Variants in PCDHGB2 observed in about 807,000 individuals in gnomAD.
PCDHGB2 encodes the protein protocadherin gamma-B2.
PCDHGB2 carries 55 observed loss-of-function variants against 59.3 expected under a neutral mutation model. The ratio of observed to expected loss-of-function variants is 0.93; its 90% CI spans 0.75 to 1.16. The LOEUF (loss-of-function observed/expected upper bound fraction) is 1.16, where lower values mean the gene tolerates loss of function less well. Among genes scored for constraint, PCDHGB2 ranks in the 50% most tolerant of loss-of-function variants. The pLI, the probability that PCDHGB2 is intolerant of heterozygous loss-of-function variation, is 0.00. For missense variants in PCDHGB2, 1,228 were observed against 1,198.5 expected (o/e 1.02, Z -0.36); for synonymous variants, 516 against 512.0 (o/e 1.01, Z -0.11).
rs779656906 is a variant in PCDHGB2 at position 141,476,872 on chromosome 5, C to T, written c.2422-17935C>T. On this transcript the variant is annotated intron_variant, in intron 1 of 3. Transcript: ENST00000522605. The surrounding 1 kb of genome is among the most constrained non-coding windows in gnomAD (Gnocchi z 7.6). ...TCAACCAGTCCTTGTACCGGGCGCG[C>T]GTCCTGGAGGATGCACCCTCCGGCA... 1.6e-4 allele frequency: 254 copies of T among 1,613,734 alleles called. No individual in the cohort carries two copies. The highest frequency in any genetic ancestry group is 2.1e-4 in the Non-Finnish European group (248 of 1,180,054).
chr5:141,390,749 ACT>A (rs2092225079), intron 1 of PCDHGB2: 1 of 170,960 alleles, frequency 5.8e-6, no homozygotes, highest in Admixed American at 5.7e-5. Flanking sequence ...ATAGTAGTCC[ACT>A]GTTTTGTTTC....
chr5:141,366,043 T>C (rs1041453851), intron 1 of PCDHGB2: 3 of 1,614,242 alleles, frequency 1.9e-6, no homozygotes, highest in African/African-American at 2.7e-5. Flanking sequence ...CCACAGACGG[T>C]TCCACGGGCG....
At chr5:141,383,396 C>T (rs749879106) in intron 1 of PCDHGB2, 64 of 1,613,910 alleles carry the variant, frequency 4.0e-5, no homozygotes, top group Non-Finnish European at 5.3e-5. Flanking sequence ...GGCACGAACT[C>T]CCTCCAGAGT....
chr5:141,375,719 G>A (rs1478749716), intron 1 of PCDHGB2: 2 of 1,614,142 alleles, frequency 1.2e-6, no homozygotes, highest in South Asian at 2.2e-5. Flanking sequence ...TAGCAGCAAC[G>A]TGTCACTGAG....
intron 1 of PCDHGB2, among the ~76,000 whole-genome samples, chr5:141,406,795 C>G (rs1277584347): frequency 6.6e-6 from 1 of 152,204 alleles, no homozygotes; most frequent in African/African-American, 2.4e-5. Context: ...TTATTTCTGG[C>G]TCAATTCTCC....
Position 141,432,878 on chromosome 5 carries a change from TTCGTCA to T in PCDHGB2, c.2422-61926_2422-61921del. 6.2e-7 allele frequency: 1 copy of T among 1,614,178 alleles called. No individual in the cohort carries two copies. The highest frequency in any genetic ancestry group is 1.7e-5 in the Admixed American group (1 of 60,036). Reference sequence around the variant, plus strand: ...CGCGGTCTCCTGCGTCTTCCTGGCCTTCGTCATCTTGCTGCTGGCGCTCAGGCTGCG... The same window carrying T: ...CGCGGTCTCCTGCGTCTTCCTGGCCTTCTTGCTGCTGGCGCTCAGGCTGCG... On this transcript the variant is annotated intron_variant, in intron 1 of 3. Transcript: ENST00000522605. This position sits in a 1 kb window ranked among gnomAD's most constrained non-coding sequence, Gnocchi z 6.0.
intron 1 of PCDHGB2, chr5:141,419,208 C>T: frequency 6.2e-7 from 1 of 1,613,966 alleles, no homozygotes; most frequent in Non-Finnish European, 8.5e-7. Flanking sequence ...GACAACGCGC[C>T]GGTTTTCGGA....
At chr5:141,385,189 C>A (rs368141492) in intron 1 of PCDHGB2, 696 of 1,614,224 alleles carry the variant, frequency 4.3e-4, no homozygotes, top group Non-Finnish European at 5.4e-4. Flanking sequence ...CGCGGACTCT[C>A]GGAAGAGTCA....
chr5:141,455,476 G>C (rs2098823789), intron 1 of PCDHGB2, among the ~76,000 whole-genome samples: 1 of 152,218 alleles, frequency 6.6e-6, no homozygotes. Flanking sequence ...ATATGCAGAG[G>C]CTGGTGGAGG....
intron 1 of PCDHGB2, chr5:141,394,094 A>G (rs759909698): frequency 6.2e-7 from 1 of 1,613,934 alleles, no homozygotes; most frequent in Admixed American, 1.7e-5. Context: ...CCTCAGATCT[A>G]GGAACACCAC....
chr5:141,471,564 T>C (rs1352708320), intron 1 of PCDHGB2: 1 of 152,184 alleles, frequency 6.6e-6, no homozygotes, highest in African/African-American at 2.4e-5. Context: ...GACTCAGGGG[T>C]AGCAGTAGAT....
Position 141,485,434 on chromosome 5 carries a change from G to T in PCDHGB2, c.2422-9373G>T. The stretch of plus-strand genomic sequence containing the variant: ...TGGACAGCGGAGCCCTGCTCATCAA[G>T]AACCCAATCGACCGAGAGGCACTGT... On this transcript the variant is annotated intron_variant, in intron 1 of 3. Transcript: ENST00000522605. This position sits in a 1 kb window ranked among gnomAD's most constrained non-coding sequence, Gnocchi z 5.7. The T allele has an allele frequency of 6.2e-7, 1 of 1,614,166 alleles. No homozygotes were observed. The highest frequency in any genetic ancestry group is 1.6e-4 in the Middle Eastern group (1 of 6,062).
chr5:141,503,362 G>A (rs565902559), intron 2 of PCDHGB2, among the ~76,000 whole-genome samples: 32 of 152,054 alleles, frequency 2.1e-4, no homozygotes, highest in African/African-American at 6.5e-4. Context: ...TTTGGGAAGC[G>A]GAGGCAGGTG....
In PCDHGB2 at chr5:141,489,515, G is replaced by A. The variant is rs983415025; in HGVS notation, c.2422-5292G>A. On this transcript the variant is annotated intron_variant, in intron 1 of 3. Coordinates refer to ENST00000522605, the MANE Select transcript of PCDHGB2 (RefSeq NM_018923.3). The surrounding 1 kb of genome is among the most constrained non-coding windows in gnomAD (Gnocchi z 4.5). ...CTGGCAGTGAATCAAAAGATTGACC[G>A]AGAAAGCCTATGTGGAGCCAGCACC... 2 of 1,614,104 alleles carry A rather than the reference G, an allele frequency of 1.2e-6. No homozygotes were observed. Among genetic ancestry groups the A allele is most frequent in the Non-Finnish European group, 8.5e-7 (1 of 1,180,034 alleles).
chr5:141,378,181 C>G (rs183481155), intron 1 of PCDHGB2: 2 of 152,302 alleles, frequency 1.3e-5, no homozygotes, highest in Admixed American at 6.5e-5. Flanking sequence ...AGCACCGATG[C>G]TGTGTGCCTA....
intron 1 of PCDHGB2, chr5:141,374,786 G>A (rs1476058358): frequency 1.2e-6 from 2 of 1,613,912 alleles, no homozygotes; most frequent in Admixed American, 1.7e-5. Flanking sequence ...AGTTCTAGAT[G>A]TGAATGACAA....
intron 1 of PCDHGB2, among the ~76,000 whole-genome samples, chr5:141,434,129 G>T (rs1242855904): frequency 6.6e-6 from 1 of 152,092 alleles, no homozygotes; most frequent in East Asian, 1.9e-4. Flanking sequence ...CTCCCTTTAG[G>T]CTGATTTCTA....
chr5:141,463,438 CTTTTTTTTTTT>C (rs71576115), intron 1 of PCDHGB2, among the ~76,000 whole-genome samples: 7 of 103,256 alleles, frequency 6.8e-5, no homozygotes, highest in African/African-American at 1.8e-4. Flanking sequence ...TTTCCTTCTC[CTTTTTTTTTTT>C]TTTTTTTTTT....
chr5:141,488,677 G>A (rs2099678276), intron 1 of PCDHGB2, among the ~76,000 whole-genome samples: 2 of 152,184 alleles, frequency 1.3e-5, no homozygotes, highest in African/African-American at 2.4e-5. Context: ...CATGGGCTTT[G>A]CCTCTCCCAG....
Sources: gnomAD v4.1 joint callset for allele counts (sites outside exome capture counted in the v4.1 genomes callset) on GRCh38, gnomAD v4.1.1 for gene constraint, Gnocchi (gnomAD v3.1) non-coding constraint, MANE v1.5 for transcripts, NCBI Gene and HGNC (gene_info 2026-07-23, HGNC 2026-07-21) for gene names.